Variants in PTPRD observed in about 807,000 individuals in gnomAD.
PTPRD encodes the protein receptor-type tyrosine-protein phosphatase delta.
PTPRD carries 34 observed loss-of-function variants against 214.5 expected under a neutral mutation model. That is an observed-to-expected ratio of 0.16 (90% CI 0.12 to 0.21). The LOEUF (loss-of-function observed/expected upper bound fraction) is 0.21, where lower values mean the gene tolerates loss of function less well. PTPRD is among the 10% of genes least tolerant of loss of function. The pLI is 1.00. For missense variants in PTPRD, 2,545 were observed against 2,398.7 expected, an observed-to-expected ratio of 1.06 and a Z score of -1.27; for synonymous variants, 1,128 against 845.7, an observed-to-expected ratio of 1.33 and a Z score of -5.79.
intron 10 of PTPRD, among the ~76,000 whole-genome samples, chr9:9,067,063 C>A (rs1473916375): frequency 6.6e-6 from 1 of 152,100 alleles, no homozygotes; most frequent in Non-Finnish European, 1.5e-5. Context: ...ACCAACATGG[C>A]AAAACCCTAT....
At position 9,533,491 on chromosome 9, in the gene PTPRD, G is replaced by C. The variant is rs180738019; in HGVS notation, c.-237+41241C>G. Among the ~76,000 whole-genome samples, 115 of 151,828 alleles carry C rather than the reference G, an allele frequency of 7.6e-4. 1 individual carries two copies. The highest frequency in any genetic ancestry group is 7.5e-3 in the Admixed American group (115 of 15,238). ...CTGGGTTTTATTTTTGTTTTCTTTT[G>C]GGTATTTTCTTTTCAGGCTGTTTTA... On this transcript the variant is annotated intron_variant, in intron 8 of 45. Coordinates refer to ENST00000381196, the MANE Select transcript of PTPRD (RefSeq NM_002839.4).
chr9:9,585,183 T>C (rs1344390214), intron 7 of PTPRD, among the ~76,000 whole-genome samples: 1 of 152,094 alleles, frequency 6.6e-6, no homozygotes, highest in Non-Finnish European at 1.5e-5. Flanking sequence ...CCCAGTACTT[T>C]GAATGTAAAA....
rs538966079 is a variant in PTPRD at position 10,414,667 on chromosome 9, A to T, written c.-599-73650T>A. 2.0e-5 allele frequency among the ~76,000 whole-genome samples: 3 copies of T among 152,124 alleles called. No individual in the cohort carries two copies. The South Asian group carries it at 6.2e-4, about 32-fold the overall frequency. On this transcript the variant is annotated intron_variant, in intron 2 of 45. Coordinates refer to ENST00000381196, the MANE Select transcript of PTPRD (RefSeq NM_002839.4). ...TGTTCATTGCAGCACTATTCACAAT[A>T]GCAAAGACATGAAATTAACCTAAAC... is the stretch of plus-strand genomic sequence containing the variant.
chr9:8,665,682 T>G (rs1344316685), intron 12 of PTPRD, among the ~76,000 whole-genome samples: 1 of 152,242 alleles, frequency 6.6e-6, no homozygotes, highest in Non-Finnish European at 1.5e-5. Flanking sequence ...TTCTCTATTA[T>G]TTCCCTTCAC....
At chr9:10,587,573 C>G (rs1042819573) in intron 2 of PTPRD, among the ~76,000 whole-genome samples, 2 of 151,980 alleles carry the variant, frequency 1.3e-5, no homozygotes, top group Non-Finnish European at 1.5e-5. Context: ...TTAAAAATAC[C>G]TGATCCAGAT....
chr9:10,450,842 G>C (rs2098836736), intron 2 of PTPRD, among the ~76,000 whole-genome samples: 1 of 151,816 alleles, frequency 6.6e-6, no homozygotes. Context: ...TTATTATTTG[G>C]GGGGCACTTA....
chr9:10,332,488 T>C (rs2096769370), intron 3 of PTPRD, among the ~76,000 whole-genome samples: 1 of 151,752 alleles, frequency 6.6e-6, no homozygotes, highest in African/African-American at 2.4e-5. Context: ...GAAAAAAACA[T>C]CTTTGACTTT....
At chr9:9,409,276 AATAGCAAGCTTTAATAT>A (rs2074576059) in intron 8 of PTPRD, among the ~76,000 whole-genome samples, 1 of 152,006 alleles carries the variant, frequency 6.6e-6, no homozygotes, top group Non-Finnish European at 1.5e-5. Context: ...AACAATATCC[AATAGCAAGCTTTAATAT>A]ATCTTCATCA....
intron 12 of PTPRD, among the ~76,000 whole-genome samples, chr9:8,683,690 TG>T (rs1475282728): frequency 2.0e-5 from 3 of 152,196 alleles, no homozygotes; most frequent in Non-Finnish European, 2.9e-5. Flanking sequence ...CATTTGAATC[TG>T]GGCACAGGGT....
intron 2 of PTPRD, among the ~76,000 whole-genome samples, chr9:10,520,873 C>T (rs1208762928): frequency 6.6e-6 from 1 of 151,496 alleles, no homozygotes; most frequent in South Asian, 2.1e-4. Context: ...GTTGAGACCA[C>T]CCTGCTCAGA....
At chr9:9,982,577 CTGAGG>C (rs1200230273) in intron 4 of PTPRD, among the ~76,000 whole-genome samples, 1 of 151,376 alleles carries the variant, frequency 6.6e-6, no homozygotes, top group Non-Finnish European at 1.5e-5. Flanking sequence ...TTCTTCCCTC[CTGAGG>C]TAAGTTTCTT....
intron 4 of PTPRD, among the ~76,000 whole-genome samples, chr9:9,957,014 A>T (rs1194220156): frequency 1.3e-5 from 2 of 152,194 alleles, no homozygotes; most frequent in Admixed American, 1.3e-4. Context: ...TATTGGGCTC[A>T]AGTTAAGTTG....
At position 10,223,715 on chromosome 9, in the gene PTPRD, A is replaced by AAT. The variant is rs2099579603; in HGVS notation, c.-545+117247_-545+117248insAT. On this transcript the variant is annotated intron_variant, in intron 3 of 45. Coordinates refer to ENST00000381196, the MANE Select transcript of PTPRD (RefSeq NM_002839.4). ...ATAATAATAATAATAATAATAATAA[A>AAT]GTAGAGTAGTTAAACCACTGTATTC... Among the ~76,000 whole-genome samples the AAT allele has an allele frequency of 4.4e-5, 6 of 135,098 alleles. No individual in the cohort carries two copies. The Admixed American group carries it at 4.6e-4, about 10-fold the overall frequency. 88.6% of individuals were successfully genotyped at this position (135,098 alleles called of 152,430 possible). A position where few individuals can be genotyped will look rare whatever the true frequency, so the allele number is the denominator to read the frequency against.
intron 6 of PTPRD, among the ~76,000 whole-genome samples, chr9:9,763,340 G>C (rs1433827927): frequency 6.6e-6 from 1 of 151,914 alleles, no homozygotes; most frequent in Non-Finnish European, 1.5e-5. Flanking sequence ...CCTAACAAAA[G>C]CACATCAAAT....
At chr9:9,741,284 A>G (rs2098398106) in intron 6 of PTPRD, among the ~76,000 whole-genome samples, 1 of 152,198 alleles carries the variant, frequency 6.6e-6, no homozygotes, top group Admixed American at 6.5e-5. Flanking sequence ...TAGAAGAAAC[A>G]TGGGAGAAAA....
intron 4 of PTPRD, among the ~76,000 whole-genome samples, chr9:9,998,129 A>AAATATATATATATATATATATAT (rs57991748): frequency 6.6e-5 from 6 of 91,494 alleles, no homozygotes; most frequent in African/African-American, 2.9e-4. Context: ...AAAAAAAAAA[A>AAATATATATATATATATATATAT]ATATATATAT....
At chr9:9,282,990 C>T (rs1283843937) in intron 9 of PTPRD, among the ~76,000 whole-genome samples, 5 of 151,520 alleles carry the variant, frequency 3.3e-5, no homozygotes, top group South Asian at 4.1e-4. Context: ...GGGACAATAT[C>T]CACTCTCATC....
chr9:9,943,200 G>T (rs996004025), intron 4 of PTPRD, among the ~76,000 whole-genome samples: 1 of 152,142 alleles, frequency 6.6e-6, no homozygotes, highest in Admixed American at 6.6e-5. Flanking sequence ...GAACTTGTTA[G>T]ATATCCTAAT....
chr9:9,092,608 T>C lies in PTPRD; in HGVS notation c.-142-73873A>G, dbSNP rs548075917. ...AGTTATTCTATTCACTTATAACACA[T>C]GAAAAAGTTATGACTTGAAAATATG... On this transcript the variant is annotated intron_variant, in intron 10 of 45. Coordinates refer to ENST00000381196, the MANE Select transcript of PTPRD (RefSeq NM_002839.4). Among the ~76,000 whole-genome samples, 273 of 152,200 alleles carry C rather than the reference T, an allele frequency of 1.8e-3. 1 individual carries two copies. Among genetic ancestry groups the C allele is most frequent in the Admixed American group, 5.5e-3 (84 of 15,286 alleles).
Sources: gnomAD v4.1 joint callset for allele counts (sites outside exome capture counted in the v4.1 genomes callset) on GRCh38, gnomAD v4.1.1 for gene constraint, MANE v1.5 for transcripts, NCBI Gene and HGNC (gene_info 2026-07-23, HGNC 2026-07-21) for gene names.